The following SDK1 variants were observed in gnomAD, a reference collection of about 807,000 sequenced individuals.
SDK1 encodes protein sidekick-1.
A neutral mutation model predicts 245.5 loss-of-function variants in SDK1; 157 were observed. The ratio of observed to expected loss-of-function variants is 0.64; its 90% CI spans 0.56 to 0.73. The LOEUF (loss-of-function observed/expected upper bound fraction) is 0.73, where lower values mean the gene tolerates loss of function less well. SDK1 is among the 30% of genes least tolerant of loss of function. The pLI is 0.00. For synonymous variants in SDK1, 1,647 were observed against 1,278.5 expected, an observed-to-expected ratio of 1.29 and a Z score of -6.15; for missense variants, 3,583 against 3,002.3, an observed-to-expected ratio of 1.19 and a Z score of -4.52.
At chr7:3,461,726 C>T (rs542812458) in intron 1 of SDK1, among the ~76,000 whole-genome samples, 69 of 152,244 alleles carry the variant, frequency 4.5e-4, no homozygotes, top group African/African-American at 1.5e-3. Flanking sequence ...AAACAGAAGC[C>T]ATTAGATGGA....
intron 1 of SDK1, among the ~76,000 whole-genome samples, chr7:3,305,623 G>C (rs1169228589): frequency 6.6e-6 from 1 of 152,108 alleles, no homozygotes; most frequent in Non-Finnish European, 1.5e-5. Flanking sequence ...GTTTCAACTG[G>C]AACTTGAGTT....
intron 11 of SDK1, 107 bp from the exon 12 acceptor site, chr7:3,971,359 G>A: frequency 1.3e-6 from 1 of 743,946 alleles, no homozygotes; most frequent in South Asian, 1.6e-5. Context: ...CAAGATGAGA[G>A]AAAACTCGGA....
At chr7:3,995,114 AC>A (rs974249552) in intron 14 of SDK1, among the ~76,000 whole-genome samples, 3 of 151,376 alleles carry the variant, frequency 2.0e-5, no homozygotes, top group African/African-American at 7.3e-5. Context: ...CTATCTGACC[AC>A]CCCCTGCCTC....
intron 13 of SDK1, among the ~76,000 whole-genome samples, chr7:3,977,001 C>T (rs75043643): frequency 4.4e-3 from 15 of 3,404 alleles, no homozygotes; most frequent in East Asian, 0.015. Context: ...ACGCAGAGGG[C>T]CCTCCAGAGA....
intron 8 of SDK1, among the ~76,000 whole-genome samples, chr7:3,961,722 TA>T (rs1781695982): frequency 6.6e-6 from 1 of 152,154 alleles, no homozygotes; most frequent in Non-Finnish European, 1.5e-5. Flanking sequence ...TAGGGGGTGT[TA>T]AAAGATGGCA....
intron 4 of SDK1, among the ~76,000 whole-genome samples, chr7:3,694,962 T>C (rs973138617): frequency 6.6e-6 from 1 of 152,224 alleles, no homozygotes; most frequent in Non-Finnish European, 1.5e-5. Flanking sequence ...TGTCTTCTTA[T>C]TGATCTACCA....
chr7:4,103,057 G>A (rs1375733785), intron 22 of SDK1, among the ~76,000 whole-genome samples: 1 of 145,258 alleles, frequency 6.9e-6, no homozygotes, highest in Non-Finnish European at 1.5e-5. Flanking sequence ...CTGGAGTGTA[G>A]TGGTGCGATC....
chr7:3,972,072 G>C (rs1318698923), intron 12 of SDK1, among the ~76,000 whole-genome samples: 9 of 134,896 alleles, frequency 6.7e-5, no homozygotes, highest in African/African-American at 2.2e-4. Context: ...CCAGATGTGA[G>C]GGTTCTCTTT....
At chr7:3,735,812 C>T (rs1583356146) in intron 4 of SDK1, among the ~76,000 whole-genome samples, 1 of 152,266 alleles carries the variant, frequency 6.6e-6, no homozygotes, top group East Asian at 1.9e-4. Flanking sequence ...TCCAGTTTCC[C>T]CATATCCATG....
intron 1 of SDK1, among the ~76,000 whole-genome samples, chr7:3,454,566 C>A (rs1780617758): frequency 6.6e-6 from 1 of 152,144 alleles, no homozygotes; most frequent in South Asian, 2.1e-4. Flanking sequence ...TGATCAGCTG[C>A]AATAACACAT....
chr7:3,683,758 T>C (rs1222154064), intron 4 of SDK1, among the ~76,000 whole-genome samples: 1 of 152,196 alleles, frequency 6.6e-6, no homozygotes, highest in East Asian at 1.9e-4. Context: ...CTTGTTGCCT[T>C]AGACACATGC....
At chr7:4,182,500 G>C (rs372727369) in intron 35 of SDK1, among the ~76,000 whole-genome samples, 2 of 152,328 alleles carry the variant, frequency 1.3e-5, no homozygotes, top group African/African-American at 4.8e-5. Context: ...GGGAAACCCT[G>C]CACCCAGGGA....
intron 7 of SDK1, among the ~76,000 whole-genome samples, chr7:3,956,134 G>T (rs930612564): frequency 6.6e-6 from 1 of 152,226 alleles, no homozygotes; most frequent in Non-Finnish European, 1.5e-5. Context: ...CAGAAGTCCA[G>T]GGTGGACCCA....
chr7:3,636,202 CATT>C (rs1782453305), intron 2 of SDK1, among the ~76,000 whole-genome samples: 1 of 152,166 alleles, frequency 6.6e-6, no homozygotes, highest in South Asian at 2.1e-4. Context: ...CTGCCCTCTT[CATT>C]ATTATTTTTG....
chr7:3,564,681 A>G (rs928326646), intron 1 of SDK1, among the ~76,000 whole-genome samples: 1 of 152,158 alleles, frequency 6.6e-6, no homozygotes, highest in Non-Finnish European at 1.5e-5. Flanking sequence ...ACAGAACATG[A>G]TTTCACCAAT....
At chr7:3,308,734 G>A (rs559293809) in intron 1 of SDK1, among the ~76,000 whole-genome samples, 1 of 152,058 alleles carries the variant, frequency 6.6e-6, no homozygotes, top group African/African-American at 2.4e-5. Flanking sequence ...ATATTATTAC[G>A]TAGAATTAGT....
At chr7:4,206,083 C>A (rs1378691386) in intron 36 of SDK1, 89 bp downstream of exon 36, 5 of 841,002 alleles carry the variant, frequency 5.9e-6, no homozygotes, top group South Asian at 5.3e-5. Context: ...CAGCAGCAGA[C>A]CCCGCAGGCG....
intron 1 of SDK1, among the ~76,000 whole-genome samples, chr7:3,439,888 G>C (rs1039086435): frequency 2.6e-5 from 4 of 152,192 alleles, no homozygotes; most frequent in South Asian, 4.2e-4. Flanking sequence ...AGGCAGGTCA[G>C]ATTGGGATAA....
intron 1 of SDK1, among the ~76,000 whole-genome samples, chr7:3,392,958 T>C (rs1335429350): frequency 1.6e-5 from 2 of 127,020 alleles, no homozygotes; most frequent in Admixed American, 8.7e-5. Flanking sequence ...GTCCCTGTTT[T>C]AAATTTTTTT....
Sources: gnomAD v4.1 joint callset for allele counts (sites outside exome capture counted in the v4.1 genomes callset) on GRCh38, gnomAD v4.1.1 for gene constraint, MANE v1.5 for transcripts, NCBI Gene and HGNC (gene_info 2026-07-23, HGNC 2026-07-21) for gene names.